The following PSD3 variants were observed in gnomAD, a reference collection of about 807,000 sequenced individuals.
The protein encoded by PSD3 is PH and SEC7 domain-containing protein 3.
In PSD3, 49 loss-of-function variants were observed where a neutral mutation model predicts 105.5. The observed-to-expected ratio is 0.46, with a 90% CI of 0.37 to 0.59. PSD3 has a LOEUF of 0.59. Ranked by LOEUF, PSD3 falls within the 20% of genes least tolerant of loss-of-function variation. The pLI is 0.00. For synonymous variants in PSD3, 557 were observed against 457.8 expected (o/e 1.22, Z -2.77); for missense variants, 1,561 against 1,263.8 (o/e 1.24, Z -3.57).
At chr8:18,752,020 C>CAA (rs570576237) in intron 9 of PSD3, among the ~76,000 whole-genome samples, 132 of 131,974 alleles carry the variant, frequency 1.0e-3, no homozygotes, top group Middle Eastern at 3.8e-3. Flanking sequence ...ACTAAAAATA[C>CAA]ATAAAAAAAA....
intron 1 of PSD3, among the ~76,000 whole-genome samples, chr8:19,002,782 G>T (rs989947985): frequency 1.3e-5 from 2 of 152,058 alleles, no homozygotes; most frequent in African/African-American, 4.8e-5. Flanking sequence ...ATTTTGATCT[G>T]AGGTTGATTG....
intron 9 of PSD3, among the ~76,000 whole-genome samples, chr8:18,746,088 C>T (rs1183297374): frequency 1.3e-5 from 2 of 152,224 alleles, no homozygotes; most frequent in Non-Finnish European, 2.9e-5. Flanking sequence ...AGAGTGTCTT[C>T]CTGTCTGGCA....
intron 1 of PSD3, among the ~76,000 whole-genome samples, chr8:18,967,157 TTTA>T (rs1170763364): frequency 2.7e-5 from 3 of 109,488 alleles, no homozygotes; most frequent in African/African-American, 1.1e-4. Context: ...TTTTTCTTTA[TTTA>T]TTTTTTTTTT....
intron 10 of PSD3, among the ~76,000 whole-genome samples, chr8:18,650,949 C>T (rs1467704833): frequency 6.6e-6 from 1 of 152,164 alleles, no homozygotes; most frequent in Non-Finnish European, 1.5e-5. Context: ...AAATCCTGGC[C>T]TTCCCACCAT....
chr8:18,555,306 C>G (rs1801004373), intron 15 of PSD3, among the ~76,000 whole-genome samples: 1 of 151,802 alleles, frequency 6.6e-6, no homozygotes, highest in South Asian at 2.1e-4. Flanking sequence ...TTTTAAATTT[C>G]AAGCCTGAGG....
chr8:18,564,111 CTT>C (rs11360174), intron 14 of PSD3, among the ~76,000 whole-genome samples: 12 of 148,408 alleles, frequency 8.1e-5, no homozygotes, highest in Admixed American at 2.7e-4. Context: ...TTTTCTTCTT[CTT>C]TTTTTTTTTT....
intron 2 of PSD3, among the ~76,000 whole-genome samples, chr8:18,904,943 C>T (rs1451938095): frequency 6.6e-6 from 1 of 152,200 alleles, no homozygotes; most frequent in African/African-American, 2.4e-5. Context: ...TGCAATCTGG[C>T]TACTAACTCC....
rs560025813 is a variant in PSD3 at position 18,534,595 on chromosome 8, G to C, written c.*1148C>G. 6.5e-4 allele frequency: 99 copies of C among 152,306 alleles called. No homozygotes were observed. The highest frequency in any genetic ancestry group is 2.2e-3 in the African/African-American group (91 of 41,564). 9.4% of individuals were successfully genotyped at this position (152,306 alleles called of 1,614,324 possible). A position where few individuals can be genotyped will look rare whatever the true frequency, so the allele number is the denominator to read the frequency against. On this transcript the variant is annotated 3_prime_UTR_variant, in exon 16 of 16. Transcript: ENST00000327040. ...CAAAGTCACTTTGCACCTGCAACCAGAAGATTCCTCAGTTTTCCAACCATA... is the reference window on the plus strand; with the variant it reads ...CAAAGTCACTTTGCACCTGCAACCACAAGATTCCTCAGTTTTCCAACCATA...
intron 1 of PSD3, among the ~76,000 whole-genome samples, chr8:18,946,769 G>T (rs1173583958): frequency 2.0e-5 from 3 of 151,430 alleles, no homozygotes; most frequent in Non-Finnish European, 4.4e-5. Flanking sequence ...GCTAGGTGCT[G>T]GGGGGAGTGC....
chr8:18,704,231 T>C (rs1427241446), intron 9 of PSD3, among the ~76,000 whole-genome samples: 1 of 152,236 alleles, frequency 6.6e-6, no homozygotes, highest in African/African-American at 2.4e-5. Flanking sequence ...ACTCTGGACA[T>C]TTATTTTTCT....
At chr8:18,743,189 A>G (rs1273058754) in intron 9 of PSD3, among the ~76,000 whole-genome samples, 1 of 152,202 alleles carries the variant, frequency 6.6e-6, no homozygotes, top group African/African-American at 2.4e-5. Context: ...CAAAGGTAGA[A>G]TAACAGCGAA....
At chr8:18,585,954 G>A (rs987699711) in intron 12 of PSD3, among the ~76,000 whole-genome samples, 9 of 151,968 alleles carry the variant, frequency 5.9e-5, no homozygotes, top group African/African-American at 1.9e-4. Flanking sequence ...CTCTTCTTTT[G>A]GAAGAGCCTT....
At chr8:18,616,075 C>T (rs1268937376) in intron 11 of PSD3, among the ~76,000 whole-genome samples, 1 of 152,216 alleles carries the variant, frequency 6.6e-6, no homozygotes, top group Non-Finnish European at 1.5e-5. Context: ...TGACTTCAAG[C>T]TTTGCCTACT....
At chr8:19,024,491 AT>A (rs1827474990) in intron 1 of PSD3, among the ~76,000 whole-genome samples, 1 of 152,120 alleles carries the variant, frequency 6.6e-6, no homozygotes, top group Non-Finnish European at 1.5e-5. Flanking sequence ...AACAAAATAT[AT>A]TTGGTCTTTG....
At position 18,530,036 on chromosome 8, in the gene PSD3, G is replaced by A. The variant is rs1390126338; in HGVS notation, c.*5707C>T. On this transcript the variant is annotated 3_prime_UTR_variant, in exon 16 of 16. Transcript: ENST00000327040. Reference sequence around the variant, plus strand: ...TACCAACACATTACTGCAGCCTGGAGCTGAAGTTAGTCTCCCACCCCACAA... The same window carrying A: ...TACCAACACATTACTGCAGCCTGGAACTGAAGTTAGTCTCCCACCCCACAA... The A allele has an allele frequency of 6.6e-6, 1 of 152,536 alleles. No homozygotes were observed. Among genetic ancestry groups the A allele is most frequent in the Non-Finnish European group, 1.5e-5 (1 of 68,040 alleles). 9.4% of individuals were successfully genotyped at this position (152,536 alleles called of 1,614,324 possible).
chr8:18,605,273 T>C (rs775556203), intron 11 of PSD3, among the ~76,000 whole-genome samples: 11 of 152,096 alleles, frequency 7.2e-5, no homozygotes, highest in Non-Finnish European at 1.2e-4. Flanking sequence ...CTCATACCAG[T>C]GTGCCCTGGA....
chr8:18,685,306 G>A (rs894490003), intron 9 of PSD3, among the ~76,000 whole-genome samples: 4 of 152,092 alleles, frequency 2.6e-5, no homozygotes, highest in Non-Finnish European at 5.9e-5. Flanking sequence ...ATGTTTTAAT[G>A]TCAGGTAACT....
intron 1 of PSD3, among the ~76,000 whole-genome samples, chr8:19,023,780 A>G (rs143551731): frequency 5.5e-4 from 83 of 152,248 alleles, no homozygotes; most frequent in African/African-American, 1.9e-3. Flanking sequence ...CCATGAATAC[A>G]AAGAATTCTA....
chr8:18,718,854 G>C (rs1313916297), intron 9 of PSD3, among the ~76,000 whole-genome samples: 1 of 152,040 alleles, frequency 6.6e-6, no homozygotes, highest in Non-Finnish European at 1.5e-5. Context: ...GGGAAAATCA[G>C]GTTTTACAAA....
Sources: gnomAD v4.1 joint callset for allele counts (sites outside exome capture counted in the v4.1 genomes callset) on GRCh38, gnomAD v4.1.1 for gene constraint, MANE v1.5 for transcripts, NCBI Gene and HGNC (gene_info 2026-07-23, HGNC 2026-07-21) for gene names.